KDM4C: variants seen among roughly 807,000 people sequenced by gnomAD.
KDM4C encodes lysine-specific demethylase 4C.
A neutral mutation model predicts 129.3 loss-of-function variants in KDM4C; 81 were observed. The observed-to-expected ratio is 0.63, with a 90% CI of 0.52 to 0.75. KDM4C has a LOEUF of 0.75. Among genes scored for constraint, KDM4C ranks in the 30% least tolerant of loss-of-function variants. The probability of loss-of-function intolerance (pLI) is 0.00; values close to 1 mark genes in which losing one functional copy is unlikely to be tolerated. For missense variants in KDM4C, 1,457 were observed against 1,304.0 expected, an observed-to-expected ratio of 1.12 and a Z score of -1.81; for synonymous variants, 573 against 456.1, an observed-to-expected ratio of 1.26 and a Z score of -3.26.
chr9:6,973,799 C>T (rs1409879869), intron 8 of KDM4C: 1 of 152,208 alleles, frequency 6.6e-6, no homozygotes, highest in Non-Finnish European at 1.5e-5. Context: ...TATTTACCTA[C>T]ATTCATACTG....
intron 18 of KDM4C, among the ~76,000 whole-genome samples, chr9:7,110,840 A>G (rs191959979): frequency 1.3e-5 from 2 of 152,322 alleles, no homozygotes; most frequent in East Asian, 3.9e-4. Flanking sequence ...GACTTGCAGT[A>G]TTGGAGAGAA....
chr9:6,748,754 C>T (rs1817969846), intron 1 of KDM4C: 2 of 1,479,058 alleles, frequency 1.4e-6, no homozygotes, highest in Non-Finnish European at 9.4e-7. Context: ...TTAGCATGAT[C>T]CGACCCAGTT....
intron 15 of KDM4C, among the ~76,000 whole-genome samples, chr9:7,042,366 A>G (rs1447270477): frequency 6.6e-6 from 1 of 152,106 alleles, no homozygotes; most frequent in African/African-American, 2.4e-5. Context: ...ATATTGCGTA[A>G]CATAACTAAA....
chr9:7,122,200 T>C (rs1839554585), intron 18 of KDM4C, among the ~76,000 whole-genome samples: 1 of 151,682 alleles, frequency 6.6e-6, no homozygotes, highest in Non-Finnish European at 1.5e-5. Flanking sequence ...GCTCATCTTA[T>C]ATGGTCTGAG....
chr9:7,052,903 GAGC>G (rs1830390099), intron 17 of KDM4C, among the ~76,000 whole-genome samples: 1 of 149,114 alleles, frequency 6.7e-6, no homozygotes, highest in African/African-American at 2.5e-5. Context: ...GAGAGAGAGC[GAGC>G]GAGTGCCCAA....
chr9:7,096,454 G>A (rs573503216), intron 17 of KDM4C, among the ~76,000 whole-genome samples: 5 of 152,272 alleles, frequency 3.3e-5, no homozygotes, highest in South Asian at 2.1e-4. Flanking sequence ...CTTCTCACCC[G>A]TTCACTTCTA....
chr9:7,062,169 C>T (rs764287188), intron 17 of KDM4C, among the ~76,000 whole-genome samples: 11 of 152,118 alleles, frequency 7.2e-5, no homozygotes, highest in African/African-American at 2.4e-5. Flanking sequence ...GGGGTGTCAC[C>T]GTGTTAGCCA....
At chr9:6,966,161 G>T (rs1830923428) in intron 8 of KDM4C, among the ~76,000 whole-genome samples, 1 of 151,964 alleles carries the variant, frequency 6.6e-6, no homozygotes, top group African/African-American at 2.4e-5. Flanking sequence ...TTAAGATTTG[G>T]AACAAAGTAA....
chr9:6,983,742 A>G (rs1438729531), intron 9 of KDM4C, among the ~76,000 whole-genome samples: 1 of 152,028 alleles, frequency 6.6e-6, no homozygotes, highest in African/African-American at 2.4e-5. Context: ...ACCTTGAAAT[A>G]TAAAAAATTT....
chr9:7,026,730 C>T (rs1312102710), intron 15 of KDM4C, among the ~76,000 whole-genome samples: 2 of 152,038 alleles, frequency 1.3e-5, no homozygotes, highest in Non-Finnish European at 2.9e-5. Flanking sequence ...CTCAGATTTG[C>T]CCTTTTGAGG....
chr9:6,850,699 T>C (rs1056582547), intron 5 of KDM4C, among the ~76,000 whole-genome samples: 1 of 151,974 alleles, frequency 6.6e-6, no homozygotes, highest in African/African-American at 2.4e-5. Flanking sequence ...CTCAAAGTGG[T>C]AGGATTACAG....
intron 4 of KDM4C, among the ~76,000 whole-genome samples, chr9:6,836,153 G>A (rs1835833046): frequency 6.6e-6 from 1 of 152,050 alleles, no homozygotes; most frequent in African/African-American, 2.4e-5. Context: ...GAATAAAAGT[G>A]CACAACTTAA....
rs561149268 is a variant in KDM4C at position 7,065,781 on chromosome 9, A to T, written c.2424+16581A>T. Among the ~76,000 whole-genome samples, 240 of 152,326 alleles carry T rather than the reference A, an allele frequency of 1.6e-3. 1 individual carries two copies. Among genetic ancestry groups the T allele is most frequent in the African/African-American group, 4.7e-3 (196 of 41,578 alleles). ...CTGGCCATTTGGTATGATTTATTTTAATAAGTGTCACTTGTTGATGCATTT... is the reference window on the plus strand; with the variant it reads ...CTGGCCATTTGGTATGATTTATTTTTATAAGTGTCACTTGTTGATGCATTT... On this transcript the variant is annotated intron_variant, in intron 17 of 21. Transcript: ENST00000381309.
chr9:7,123,510 T>C (rs1194935210), intron 18 of KDM4C, among the ~76,000 whole-genome samples: 4 of 152,270 alleles, frequency 2.6e-5, no homozygotes, highest in Non-Finnish European at 5.9e-5. Context: ...TGAAAGTTTG[T>C]CTGTGCCTAT....
intron 8 of KDM4C, chr9:6,902,724 A>T (rs1299204863): frequency 6.6e-6 from 1 of 152,204 alleles, no homozygotes; most frequent in Non-Finnish European, 1.5e-5. Flanking sequence ...GTGCTGAGAA[A>T]CAGTGTCTGT....
chr9:7,092,985 A>G (rs543419864), intron 17 of KDM4C, among the ~76,000 whole-genome samples: 2 of 152,228 alleles, frequency 1.3e-5, no homozygotes, highest in East Asian at 3.9e-4. Flanking sequence ...TCCACAAAAT[A>G]TTTACTTTTA....
upstream of KDM4C, among the ~76,000 whole-genome samples, chr9:6,753,944 G>A (rs190029758): frequency 1.5e-3 from 196 of 127,526 alleles, no homozygotes; most frequent in Non-Finnish European, 2.6e-3. Context: ...GCACGACCTC[G>A]ACTCACTGCA....
At chr9:7,090,216 C>T (rs1212683953) in intron 17 of KDM4C, among the ~76,000 whole-genome samples, 7 of 152,210 alleles carry the variant, frequency 4.6e-5, no homozygotes, top group Non-Finnish European at 7.3e-5. Flanking sequence ...GATTCTTTCT[C>T]CTAAATATTT....
intron 15 of KDM4C, among the ~76,000 whole-genome samples, chr9:7,026,799 C>G (rs1461015011): frequency 1.3e-5 from 2 of 151,938 alleles, no homozygotes; most frequent in African/African-American, 4.8e-5. Flanking sequence ...TTTGTCTCCT[C>G]TCATTGTGTA....
Sources: gnomAD v4.1 joint callset for allele counts (sites outside exome capture counted in the v4.1 genomes callset) on GRCh38, gnomAD v4.1.1 for gene constraint, MANE v1.5 for transcripts, NCBI Gene and HGNC (gene_info 2026-07-23, HGNC 2026-07-21) for gene names.